The following PLBD2 variants were observed in gnomAD, a reference collection of about 807,000 sequenced individuals.
The protein encoded by PLBD2 is phospholipase B domain containing 2, also known as putative aminopeptidase PLBD2.
PLBD2 carries 51 observed loss-of-function variants against 68.3 expected under a neutral mutation model. The observed-to-expected ratio is 0.75, with a 90% confidence interval of 0.60 to 0.94. PLBD2 has a LOEUF of 0.94. Among genes scored for constraint, PLBD2 ranks in the 40% least tolerant of loss-of-function variants. PLBD2 has a pLI of 0.00. For synonymous variants in PLBD2, 314 were observed against 339.3 expected, an observed-to-expected ratio of 0.93 and a Z score of 0.82; for missense variants, 729 against 792.2, an observed-to-expected ratio of 0.92 and a Z score of 0.96.
Position 113,389,736 on chromosome 12 carries a change from T to C in PLBD2, c.*1110T>C, listed in dbSNP as rs936580805. On this transcript the variant is annotated 3_prime_UTR_variant, in exon 12 of 12. Transcript: ENST00000280800. ...TTTTTGTTTTTTCTGAGTGGGAGTT[T>C]CACTCTATTGCCCAGGCTGGAGTGC... 2.0e-5 allele frequency: 3 copies of C among 152,046 alleles called. No homozygotes were observed. The highest frequency in any genetic ancestry group is 7.2e-5 in the African/African-American group (3 of 41,382). The allele number at this position is 152,046 out of a possible 1,614,324, so 9.4% of individuals were successfully genotyped here.
At chr12:113,365,941 C>T (rs897922618) in intron 1 of PLBD2, among the ~76,000 whole-genome samples, 1 of 152,154 alleles carries the variant, frequency 6.6e-6, no homozygotes, top group Non-Finnish European at 1.5e-5. Flanking sequence ...TTCGTTTTTC[C>T]ATCATAATGG....
In PLBD2 at chr12:113,366,858, G is replaced by C. The variant is rs192072629; in HGVS notation, c.291-2258G>C. On this transcript the variant is annotated intron_variant, in intron 1 of 11. Transcript: ENST00000280800. Reference sequence around the variant, plus strand: ...CTTTTTCTAGACAGAGTCATGCTCTGTCACCCAGGCTGGAGTGCAGTGGTG... The same window carrying C: ...CTTTTTCTAGACAGAGTCATGCTCTCTCACCCAGGCTGGAGTGCAGTGGTG... 2.1e-5 allele frequency among the ~76,000 whole-genome samples: 3 copies of C among 144,746 alleles called. No homozygotes were observed. The East Asian group carries it at 6.1e-4, about 30-fold the overall frequency. 95.0% of individuals were successfully genotyped at this position (144,746 alleles called of 152,430 possible). A position where few individuals can be genotyped will look rare whatever the true frequency, so the allele number is the denominator to read the frequency against.
Position 113,369,200 on chromosome 12 carries a change from G to A in PLBD2, c.375G>A (p.Val125=). ...CAGCCGGTGTGGTGGAGGCTGCTGT[G>A]TCGGAGGAGGTAAGGGCCAAGGTGG... is the stretch of plus-strand genomic sequence containing the variant. ...AYAAGVVEAA[V]SEELIYMHWM... Residue 125 remains valine (V), a synonymous_variant, in exon 2 of 12, where the codon GTG becomes GTA. Coordinates refer to ENST00000280800, the MANE Select transcript of PLBD2 (RefSeq NM_173542.4). 1 of 1,600,802 alleles carries A rather than the reference G, an allele frequency of 6.2e-7. No individual in the cohort carries two copies. Among genetic ancestry groups the A allele is most frequent in the Non-Finnish European group, 8.5e-7 (1 of 1,173,862 alleles).
At chr12:113,383,585 C>A (rs921634365) in intron 6 of PLBD2, among the ~76,000 whole-genome samples, 2 of 151,978 alleles carry the variant, frequency 1.3e-5, no homozygotes, top group Admixed American at 6.6e-5. Context: ...CAGGTGTATG[C>A]CACCACACCT....
At chr12:113,382,471 C>T (rs748539077) in intron 6 of PLBD2, among the ~76,000 whole-genome samples, 51 of 151,804 alleles carry the variant, frequency 3.4e-4, no homozygotes, top group Non-Finnish European at 5.7e-4. Flanking sequence ...GAGATAGGAT[C>T]TCACACTGTC....
chr12:113,377,058 C>T (rs1565861902), intron 5 of PLBD2: 1 of 152,210 alleles, frequency 6.6e-6, no homozygotes, highest in Admixed American at 6.5e-5. Flanking sequence ...AGGAATCCAG[C>T]TGGCATCTAA....
In PLBD2 at chr12:113,385,262, A is replaced by G. The variant is rs1384067851; in HGVS notation, c.1265A>G (p.Tyr422Cys). ...ACCTCGGAGCTCTACCAGAAGACCT[A>G]CTGGGCCAGCTACAACATACCGTGC... ...DKTSELYQKT[Y>C]WASYNIPSFE... is the part of the protein sequence containing the mutation. Residue 422 changes from tyrosine (Y) to cysteine (C), a missense_variant, in exon 9 of 12, where the codon TAC (tyrosine) becomes TGC (cysteine). By Grantham distance (194) the Tyr-to-Cys change is radical. Transcript: ENST00000280800. 1.9e-5 allele frequency: 30 copies of G among 1,613,926 alleles called. No homozygotes were observed. Among genetic ancestry groups the G allele is most frequent in the African/African-American group, 2.7e-5 (2 of 74,870 alleles).
chr12:113,385,014 C>A, intron 8 of PLBD2, 68 bp downstream of exon 8: 1 of 1,474,274 alleles, frequency 6.8e-7, no homozygotes, highest in Non-Finnish European at 9.3e-7. Flanking sequence ...AGGCCCAGAG[C>A]CGTGCTGGCG....
In PLBD2 at chr12:113,386,932, G is replaced by A. The variant is rs368040695; in HGVS notation, c.1287-5G>A. On this transcript the variant is annotated splice_region_variant and splice_polypyrimidine_tract_variant and intron_variant, in intron 9 of 11. Coordinates refer to ENST00000280800, the MANE Select transcript of PLBD2 (RefSeq NM_173542.4). ...GTCATGGGTGACCATCCTTGTCCCC[G>A]GCAGGTCCTTCGAGACTGTGTTCAA... 21 of 1,612,692 alleles carry A rather than the reference G, an allele frequency of 1.3e-5. No individual in the cohort carries two copies. The highest frequency in any genetic ancestry group is 9.9e-5 in the South Asian group (9 of 90,710).
chr12:113,384,138 C>G lies in PLBD2; in HGVS notation c.991C>G (p.Pro331Ala). 1.9e-6 allele frequency: 3 copies of G among 1,613,146 alleles called. No individual in the cohort carries two copies. The highest frequency in any genetic ancestry group is 2.5e-6 in the Non-Finnish European group (3 of 1,179,422). Reference sequence around the variant, plus strand: ...GGAGACCACCATTGGCAACAAGAACCCAGCCCTGTGGAAGTATGTGCGGCC... The same window carrying G: ...GGAGACCACCATTGGCAACAAGAACGCAGCCCTGTGGAAGTATGTGCGGCC... ...TLETTIGNKN[P>A]ALWKYVRPRG... Residue 331 changes from proline (P) to alanine (A), a missense_variant, in exon 7 of 12, where the codon CCA (proline) becomes GCA (alanine). Coordinates refer to ENST00000280800, the MANE Select transcript of PLBD2 (RefSeq NM_173542.4). The surrounding 1 kb of genome is among the most constrained non-coding windows in gnomAD (Gnocchi z 4.2).
chr12:113,364,347 C>T (rs1001177718), intron 1 of PLBD2, among the ~76,000 whole-genome samples: 1 of 152,160 alleles, frequency 6.6e-6, no homozygotes, highest in East Asian at 1.9e-4. Flanking sequence ...GCAGTTTGTC[C>T]GAGGTCTCCT....
intron 9 of PLBD2, among the ~76,000 whole-genome samples, chr12:113,385,843 T>A (rs1957546473): frequency 1.3e-5 from 2 of 151,140 alleles, no homozygotes. Context: ...CTCCGCCTCC[T>A]GAGCTCAAGT....
At chr12:113,386,285 T>C (rs938622823) in intron 9 of PLBD2, among the ~76,000 whole-genome samples, 1 of 151,774 alleles carries the variant, frequency 6.6e-6, no homozygotes, top group Admixed American at 6.6e-5. Flanking sequence ...GCTTCCCGGG[T>C]TCAAGCGATT....
intron 1 of PLBD2, among the ~76,000 whole-genome samples, chr12:113,365,078 C>T (rs774459376): frequency 9.9e-5 from 15 of 152,074 alleles, no homozygotes; most frequent in South Asian, 4.1e-4. Context: ...ATAATTAGCC[C>T]GAAGTTCATG....
At chr12:113,383,765 C>T (rs1041650785) in intron 6 of PLBD2, among the ~76,000 whole-genome samples, 3 of 151,544 alleles carry the variant, frequency 2.0e-5, no homozygotes, top group Admixed American at 6.6e-5. Context: ...CTTTGGGAGG[C>T]GGAGGTGGGC....
Position 113,374,805 on chromosome 12 carries a change from C to G in PLBD2, c.657C>G (p.Leu219=). ...TGGCCCTCCTCAGCCTGCTGCAGCT[C>G]TCTGGGGACCTGGAAGACCTGGAGC... ...IKPLGFLLLQ[L]SGDLEDLELA... The change falls in exon 5 of 12, where the codon CTC becomes CTG. Residue 219 remains leucine (L), a synonymous_variant. Coordinates refer to ENST00000280800, the MANE Select transcript of PLBD2 (RefSeq NM_173542.4). The G allele has an allele frequency of 6.2e-7, 1 of 1,613,774 alleles. No homozygotes were observed. The highest frequency in any genetic ancestry group is 8.5e-7 in the Non-Finnish European group (1 of 1,180,030).
Position 113,358,744 on chromosome 12 carries a change from C to T in PLBD2, c.144C>T (p.Arg48=). The T allele has an allele frequency of 7.2e-7, 1 of 1,393,788 alleles. No homozygotes were observed. 86.3% of individuals were successfully genotyped at this position (1,393,788 alleles called of 1,614,324 possible). A position where few individuals can be genotyped will look rare whatever the true frequency, so the allele number is the denominator to read the frequency against. ...LAGAIPAPGG[R]WARDGQVPPA... is the part of the protein sequence containing the mutation. The stretch of plus-strand genomic sequence containing the variant: ...GGGCGATCCCAGCGCCGGGGGGCCG[C>T]TGGGCGCGCGATGGGCAGGTCCCTC... The change falls in exon 1 of 12, where the codon CGC becomes CGT. Residue 48 remains arginine (R), a synonymous_variant. Coordinates refer to ENST00000280800, the MANE Select transcript of PLBD2 (RefSeq NM_173542.4).
intron 5 of PLBD2, among the ~76,000 whole-genome samples, chr12:113,375,619 T>C (rs994914031): frequency 6.6e-5 from 10 of 152,250 alleles, no homozygotes; most frequent in Non-Finnish European, 1.5e-5. Context: ...TGGGCCAGGC[T>C]GATCTTGGCT....
chr12:113,383,513 C>T (rs901615447), intron 6 of PLBD2, among the ~76,000 whole-genome samples: 1 of 152,104 alleles, frequency 6.6e-6, no homozygotes, highest in African/African-American at 2.4e-5. Context: ...GGGCTCACTG[C>T]AACCTCTGTC....
Sources: gnomAD v4.1 joint callset for allele counts (sites outside exome capture counted in the v4.1 genomes callset) on GRCh38, gnomAD v4.1.1 for gene constraint, Gnocchi (gnomAD v3.1) non-coding constraint, MANE v1.5 for transcripts, NCBI Gene and HGNC (gene_info 2026-07-23, HGNC 2026-07-21) for gene names.